The following TRIR variants were observed in gnomAD, a reference collection of about 807,000 sequenced individuals.
TRIR encodes telomerase RNA component-interacting RNase.
A neutral mutation model predicts 18.2 loss-of-function variants in TRIR; 5 were observed. The observed-to-expected ratio is 0.27, with a 90% confidence interval of 0.14 to 0.58. TRIR has a LOEUF of 0.58. TRIR is among the 20% of genes least tolerant of loss of function. The pLI is 0.91. For synonymous variants in TRIR, 134 were observed against 114.4 expected (o/e 1.17, Z -1.10); for missense variants, 206 against 252.8 (o/e 0.81, Z 1.25).
At position 12,734,146 on chromosome 19, in the gene TRIR, A is replaced by G. The variant is rs1967486445; in HGVS notation, c.345+167T>C. On this transcript the variant is annotated intron_variant, in intron 1 of 2. Transcript: ENST00000242784. The surrounding 1 kb of genome is among the most constrained non-coding windows in gnomAD (Gnocchi z 4.1). ...TCCTGGAGTCCCCACTCCCGCCCCT[A>G]GACCCCAGTTGTCGGGAATCCAAGT... Among the ~76,000 whole-genome samples, 3 of 152,150 alleles carry G rather than the reference A, an allele frequency of 2.0e-5. No homozygotes were observed. Among genetic ancestry groups the G allele is most frequent in the Admixed American group, 2.0e-4 (3 of 15,270 alleles).
At position 12,734,597 on chromosome 19, in the gene TRIR, C is replaced by T. The variant is rs950319852; in HGVS notation, c.61G>A (p.Gly21Ser). 18 of 1,519,874 alleles carry T rather than the reference C, an allele frequency of 1.2e-5. 1 individual carries two copies. The African/African-American group carries it at 1.6e-4, about 13-fold the overall frequency. The allele number at this position is 1,519,874 out of a possible 1,614,324, so 94.1% of individuals were successfully genotyped here. ...QGREAPGPAG[G>S]GGGGSRWAES... Reference sequence around the variant, plus strand: ...GCCCAACGGCTCCCGCCACCGCCACCGCCCGCGGGGCCCGGAGCCTCCCGG... The same window carrying T: ...GCCCAACGGCTCCCGCCACCGCCACTGCCCGCGGGGCCCGGAGCCTCCCGG... The change falls in exon 1 of 3, where the codon GGT (glycine) becomes AGT (serine). Residue 21 changes from glycine (G) to serine (S), a missense_variant. Transcript: ENST00000242784. This position sits in a 1 kb window ranked among gnomAD's most constrained non-coding sequence, Gnocchi z 4.1.
chr19:12,733,794 G>A (rs1372159845), intron 1 of TRIR, among the ~76,000 whole-genome samples: 1 of 152,174 alleles, frequency 6.6e-6, no homozygotes, highest in Non-Finnish European at 1.5e-5. Flanking sequence ...GATCTTGTCT[G>A]TAAGCTCACC....
rs1223741065 is a variant in TRIR, at chr19:12,734,667, A to C, written c.-10T>G. ...TCCCTCGGGCAGCCATTTTGTCGCC[A>C]GGTGCCGCGCAAAGGACTCCGGGAA... On this transcript the variant is annotated 5_prime_UTR_variant, in exon 1 of 3. Transcript: ENST00000242784. This position sits in a 1 kb window ranked among gnomAD's most constrained non-coding sequence, Gnocchi z 4.1. 2.0e-6 allele frequency: 3 copies of C among 1,501,176 alleles called. No homozygotes were observed. Among genetic ancestry groups the C allele is most frequent in the Admixed American group, 4.3e-5 (2 of 46,080 alleles). 93.0% of individuals were successfully genotyped at this position (1,501,176 alleles called of 1,614,324 possible). A position where few individuals can be genotyped will look rare whatever the true frequency, so the allele number is the denominator to read the frequency against.
rs891530663 is a variant in TRIR, at chr19:12,734,670, T to A, written c.-13A>T. On this transcript the variant is annotated 5_prime_UTR_variant, in exon 1 of 3. Coordinates refer to ENST00000242784, the MANE Select transcript of TRIR (RefSeq NM_024038.4). The surrounding 1 kb of genome is among the most constrained non-coding windows in gnomAD (Gnocchi z 4.1). ...CTCGGGCAGCCATTTTGTCGCCAGGTGCCGCGCAAAGGACTCCGGGAAGGC... is the reference window on the plus strand; with the variant it reads ...CTCGGGCAGCCATTTTGTCGCCAGGAGCCGCGCAAAGGACTCCGGGAAGGC... 1.3e-6 allele frequency: 2 copies of A among 1,499,138 alleles called. No homozygotes were observed. Among genetic ancestry groups the A allele is most frequent in the Non-Finnish European group, 1.8e-6 (2 of 1,133,150 alleles). The allele number at this position is 1,499,138 out of a possible 1,614,324, so 92.9% of individuals were successfully genotyped here. A position where few individuals can be genotyped will look rare whatever the true frequency, so the allele number is the denominator to read the frequency against.
At position 12,734,335 on chromosome 19, in the gene TRIR, C is replaced by A. The variant is rs1396594106; in HGVS notation, c.323G>T (p.Gly108Val). Residue 108 changes from glycine to valine, a missense_variant, in exon 1 of 3, where the codon GGT (glycine) becomes GTT (valine). By Grantham distance (109) the Gly-to-Val change is moderately radical (BLOSUM62 -3). Transcript: ENST00000242784. The surrounding 1 kb of genome is among the most constrained non-coding windows in gnomAD (Gnocchi z 4.1). ...TACGAAGCTAAGTGTGGAGCCCGGA[C>A]CGCCCTTCCTCTTCGGATCCCCGGG... ...AGPGDPKRKGGPGSTLSFVGK... is the reference protein window; with the variant it reads ...AGPGDPKRKGVPGSTLSFVGK... 6.9e-7 allele frequency: 1 copy of A among 1,440,366 alleles called. No individual in the cohort carries two copies. The highest frequency in any genetic ancestry group is 2.8e-5 in the Admixed American group (1 of 35,930). 89.2% of individuals were successfully genotyped at this position (1,440,366 alleles called of 1,614,324 possible). A position where few individuals can be genotyped will look rare whatever the true frequency, so the allele number is the denominator to read the frequency against.
Position 12,734,506 on chromosome 19 carries a change from G to A in TRIR, c.152C>T (p.Pro51Leu), listed in dbSNP as rs1967497418. ...DEEVSGAGSS[P>L]VSGGVNLFAN... is the part of the protein sequence containing the mutation. ...GAACAAGTTCACGCCGCCCGACACC[G>A]GGCTCGAACCCGCGCCCGACACCTC... The change falls in exon 1 of 3, where the codon CCG becomes CTG. Residue 51 changes from proline to leucine, a missense_variant. Transcript: ENST00000242784. The surrounding 1 kb of genome is among the most constrained non-coding windows in gnomAD (Gnocchi z 4.1). The A allele has an allele frequency of 2.6e-6, 4 of 1,535,854 alleles. No homozygotes were observed. In the South Asian group the frequency reaches 3.6e-5, roughly 14 times the overall value.
In TRIR at chr19:12,734,407, G is replaced by GGCTCCTCCTGCCGCTGCCGCT; in HGVS notation, c.230_250dup (p.Gln77_Glu83dup). On this transcript the variant is annotated inframe_insertion, in exon 1 of 3. Transcript: ENST00000242784. This position sits in a 1 kb window ranked among gnomAD's most constrained non-coding sequence, Gnocchi z 4.1. ...GTCGGGTCGCTGCGGACCCGGGGGC[G>GGCTCCTCCTGCCGCTGCCGCT]GCTCCTCCTGCCGCTGCCGCTGCTC... 1 of 1,517,360 alleles carries GGCTCCTCCTGCCGCTGCCGCT rather than the reference G, an allele frequency of 6.6e-7. No homozygotes were observed. Among genetic ancestry groups the GGCTCCTCCTGCCGCTGCCGCT allele is most frequent in the Non-Finnish European group, 8.8e-7 (1 of 1,133,822 alleles). The allele number at this position is 1,517,360 out of a possible 1,614,324, so 94.0% of individuals were successfully genotyped here.
rs750451295 is a variant in TRIR, at chr19:12,731,039, G to T, written c.453C>A (p.Ala151=). ...EVLTSKGDAW[A]KYMAEVKKYK... ...ACTTTTTCACTTCTGCCATGTACTT[G>T]GCCCACGCGTCACCTTTACTTGTTA... The change falls in exon 3 of 3, where the codon GCC becomes GCA. Residue 151 remains alanine (A), a synonymous_variant. Transcript: ENST00000242784. This position sits in a 1 kb window ranked among gnomAD's most constrained non-coding sequence, Gnocchi z 5.1. 10 of 1,613,914 alleles carry T rather than the reference G, an allele frequency of 6.2e-6. No homozygotes were observed. The highest frequency in any genetic ancestry group is 8.5e-6 in the Non-Finnish European group (10 of 1,180,014).
chr19:12,734,606 G>T lies in TRIR; in HGVS notation c.52C>A (p.Pro18Thr). Residue 18 changes from proline (P) to threonine (T), a missense_variant, in exon 1 of 3, where the codon CCC becomes ACC. Physicochemically the swap from Pro to Thr is conservative, Grantham distance 38. Around this residue, in one of 2 missense-constraint regions of TRIR, gnomAD observed 172 missense variants for 165.0 expected, o/e 1.04. Coordinates refer to ENST00000242784, the MANE Select transcript of TRIR (RefSeq NM_024038.4). The surrounding 1 kb of genome is among the most constrained non-coding windows in gnomAD (Gnocchi z 4.1). The stretch of plus-strand genomic sequence containing the variant: ...CTCCCGCCACCGCCACCGCCCGCGG[G>T]GCCCGGAGCCTCCCGGCCCTGAGGC... ...AEPQGREAPG[P>T]AGGGGGGSRW... is the part of the protein sequence containing the mutation. 1 of 1,518,456 alleles carries T rather than the reference G, an allele frequency of 6.6e-7. No individual in the cohort carries two copies. Among genetic ancestry groups the T allele is most frequent in the Non-Finnish European group, 8.8e-7 (1 of 1,139,384 alleles). 94.1% of individuals were successfully genotyped at this position (1,518,456 alleles called of 1,614,324 possible). A position where few individuals can be genotyped will look rare whatever the true frequency, so the allele number is the denominator to read the frequency against.
At chr19:12,732,616 A>G (rs1200946955) in intron 1 of TRIR, among the ~76,000 whole-genome samples, 1 of 147,826 alleles carries the variant, frequency 6.8e-6, no homozygotes, top group South Asian at 2.1e-4. Flanking sequence ...TTTTTTGGAG[A>G]CAGAGTCTTA....
chr19:12,734,668 G>C lies in TRIR; in HGVS notation c.-11C>G. The stretch of plus-strand genomic sequence containing the variant: ...CCCTCGGGCAGCCATTTTGTCGCCA[G>C]GTGCCGCGCAAAGGACTCCGGGAAG... On this transcript the variant is annotated 5_prime_UTR_variant, in exon 1 of 3. Transcript: ENST00000242784. This position sits in a 1 kb window ranked among gnomAD's most constrained non-coding sequence, Gnocchi z 4.1. The C allele has an allele frequency of 6.7e-7, 1 of 1,500,134 alleles. No individual in the cohort carries two copies. Among genetic ancestry groups the C allele is most frequent in the Non-Finnish European group, 8.8e-7 (1 of 1,133,596 alleles). The allele number at this position is 1,500,134 out of a possible 1,614,324, so 92.9% of individuals were successfully genotyped here. A position where few individuals can be genotyped will look rare whatever the true frequency, so the allele number is the denominator to read the frequency against.
Position 12,734,372 on chromosome 19 carries a change from C to G in TRIR, c.286G>C (p.Ala96Pro). The G allele has an allele frequency of 2.0e-6, 3 of 1,476,494 alleles. No individual in the cohort carries two copies. The South Asian group carries it at 4.0e-5, about 19-fold the overall frequency. The allele number at this position is 1,476,494 out of a possible 1,614,324, so 91.5% of individuals were successfully genotyped here. A position where few individuals can be genotyped will look rare whatever the true frequency, so the allele number is the denominator to read the frequency against. ...TTCGGATCCCCGGGGCCAGCGGCGG[C>G]GGCCGACTGGTCGGGTCGCTGCGGA... is the stretch of plus-strand genomic sequence containing the variant. ...PGPQRPDQSA[A>P]AAGPGDPKRK... The change falls in exon 1 of 3, where the codon GCC (alanine) becomes CCC (proline). Residue 96 changes from alanine to proline, a missense_variant. Ala to Pro is a conservative substitution (Grantham distance 27). Around this residue, in one of 2 missense-constraint regions of TRIR, gnomAD observed 172 missense variants for 165.0 expected, o/e 1.04. Transcript: ENST00000242784. The surrounding 1 kb of genome is among the most constrained non-coding windows in gnomAD (Gnocchi z 4.1).
rs1393477500 is a variant in TRIR at position 12,734,099 on chromosome 19, C to A, written c.345+214G>T. Among the ~76,000 whole-genome samples, 1 of 152,232 alleles carries A rather than the reference C, an allele frequency of 6.6e-6. No individual in the cohort carries two copies. The highest frequency in any genetic ancestry group is 1.5e-5 in the Non-Finnish European group (1 of 68,038). ...TGCTGATTCCTAGGCAATTCCTCAGCTCCCAGTTCCCACGGGCAAGCTCCT... is the reference window on the plus strand; with the variant it reads ...TGCTGATTCCTAGGCAATTCCTCAGATCCCAGTTCCCACGGGCAAGCTCCT... On this transcript the variant is annotated intron_variant, in intron 1 of 2. Coordinates refer to ENST00000242784, the MANE Select transcript of TRIR (RefSeq NM_024038.4). The surrounding 1 kb of genome is among the most constrained non-coding windows in gnomAD (Gnocchi z 4.1).
chr19:12,732,067 T>TGAGCCGAGGTTGCACC (rs1431580420), intron 1 of TRIR, among the ~76,000 whole-genome samples: 13 of 138,352 alleles, frequency 9.4e-5, no homozygotes, highest in Non-Finnish European at 1.8e-4. Context: ...GAGGTTGCAG[T>TGAGCCGAGGTTGCACC]GAGCCGAGGT....
In TRIR at chr19:12,734,283, G is replaced by A; in HGVS notation, c.345+30C>T. On this transcript the variant is annotated intron_variant, in intron 1 of 2. Coordinates refer to ENST00000242784, the MANE Select transcript of TRIR (RefSeq NM_024038.4). This position sits in a 1 kb window ranked among gnomAD's most constrained non-coding sequence, Gnocchi z 4.1. ...ACTCCCGCTGCCAAGACAGGCCGTG[G>A]CGCCCGCCCCCACCCCCACGGCTCC... 7.2e-7 allele frequency: 1 copy of A among 1,382,076 alleles called. No homozygotes were observed. Among genetic ancestry groups the A allele is most frequent in the Non-Finnish European group, 9.4e-7 (1 of 1,069,502 alleles). 85.6% of individuals were successfully genotyped at this position (1,382,076 alleles called of 1,614,324 possible).
chr19:12,731,492 T>C lies in TRIR; in HGVS notation c.346-71A>G, dbSNP rs1657171568. On this transcript the variant is annotated intron_variant, in intron 1 of 2. Transcript: ENST00000242784. This position sits in a 1 kb window ranked among gnomAD's most constrained non-coding sequence, Gnocchi z 5.1. ...CGCCCTTGGCGGCGCTGAGGCCCACTACACCTTCCTAGCCCGGCCTGGTGG... is the reference window on the plus strand; with the variant it reads ...CGCCCTTGGCGGCGCTGAGGCCCACCACACCTTCCTAGCCCGGCCTGGTGG... The C allele has an allele frequency of 1.3e-6, 2 of 1,490,762 alleles. No individual in the cohort carries two copies. The highest frequency in any genetic ancestry group is 1.4e-5 in the African/African-American group (1 of 71,780). 92.3% of individuals were successfully genotyped at this position (1,490,762 alleles called of 1,614,324 possible).
chr19:12,731,795 AT>A lies in TRIR; in HGVS notation c.346-375del, dbSNP rs1199805144. ...TGCTGTGGATGTATCATCTCCTTTC[AT>A]TTTCACAGCTACCCTAAGATGAAAG... On this transcript the variant is annotated intron_variant, in intron 1 of 2. Coordinates refer to ENST00000242784, the MANE Select transcript of TRIR (RefSeq NM_024038.4). The surrounding 1 kb of genome is among the most constrained non-coding windows in gnomAD (Gnocchi z 5.1). 5.0e-6 allele frequency: 1 copy of A among 200,754 alleles called. No homozygotes were observed. Among genetic ancestry groups the A allele is most frequent in the Non-Finnish European group, 1.0e-5 (1 of 98,522 alleles). 12.4% of individuals were successfully genotyped at this position (200,754 alleles called of 1,614,324 possible). A position where few individuals can be genotyped will look rare whatever the true frequency, so the allele number is the denominator to read the frequency against.
rs1967423819 is a variant in TRIR, at chr19:12,731,350, C to T, written c.417G>A (p.Glu139=). Residue 139 remains glutamate, a synonymous_variant, in exon 2 of 3, where the codon GAG becomes GAA. Transcript: ENST00000242784. The surrounding 1 kb of genome is among the most constrained non-coding windows in gnomAD (Gnocchi z 5.1). The part of the protein sequence containing the change: ...TGIVAKKQKT[E]DEVLTSKGDA... ...CTGCACCAAGCTGGCTCACCTCATCCTCCGTCTTCTGCTTCTTGGCTACTA... is the reference window on the plus strand; with the variant it reads ...CTGCACCAAGCTGGCTCACCTCATCTTCCGTCTTCTGCTTCTTGGCTACTA... The T allele has an allele frequency of 3.1e-6, 5 of 1,613,726 alleles. No homozygotes were observed. Among genetic ancestry groups the T allele is most frequent in the Middle Eastern group, 1.6e-4 (1 of 6,062 alleles).
rs560326517 is a variant in TRIR, at chr19:12,731,823, T to A, written c.346-402A>T. On this transcript the variant is annotated intron_variant, in intron 1 of 2. Coordinates refer to ENST00000242784, the MANE Select transcript of TRIR (RefSeq NM_024038.4). This position sits in a 1 kb window ranked among gnomAD's most constrained non-coding sequence, Gnocchi z 5.1. ...TTCACAGCTACCCTAAGATGAAAGT[T>A]AGAACCACCCCCTTTTTGACCAGGC... 1 of 177,594 alleles carries A rather than the reference T, an allele frequency of 5.6e-6. No homozygotes were observed. The highest frequency in any genetic ancestry group is 2.4e-5 in the African/African-American group (1 of 42,100). The allele number at this position is 177,594 out of a possible 1,614,324, so 11.0% of individuals were successfully genotyped here.
Sources: allele counts gnomAD v4.1 joint callset (sites outside exome capture counted in the v4.1 genomes callset), GRCh38; gene constraint gnomAD v4.1.1; regional missense constraint gnomAD v4.1.1; non-coding constraint Gnocchi (gnomAD v3.1); transcripts MANE v1.5; gene names NCBI Gene and HGNC (gene_info 2026-07-23, HGNC 2026-07-21).